Variants in DCC observed in about 807,000 individuals in gnomAD.
The protein encoded by DCC is DCC netrin 1 receptor.
In DCC, 58 loss-of-function variants were observed where a neutral mutation model predicts 172.5. That is an observed-to-expected ratio of 0.34 (90% CI 0.27 to 0.42). The LOEUF (loss-of-function observed/expected upper bound fraction) is 0.42, where lower values mean the gene tolerates loss of function less well. DCC is among the 10% of genes least tolerant of loss of function. DCC has a pLI of 1.00. For synonymous variants in DCC, 709 were observed against 644.5 expected, an observed-to-expected ratio of 1.10 and a Z score of -1.52; for missense variants, 1,740 against 1,791.0, an observed-to-expected ratio of 0.97 and a Z score of 0.51.
intron 7 of DCC, among the ~76,000 whole-genome samples, chr18:53,155,088 T>G (rs1228672283): frequency 6.6e-6 from 1 of 151,858 alleles, no homozygotes; most frequent in African/African-American, 2.4e-5. Context: ...CAGAAATAAC[T>G]TTGAATACTT....
chr18:52,465,294 G>C (rs1988753728), intron 1 of DCC, among the ~76,000 whole-genome samples: 1 of 152,160 alleles, frequency 6.6e-6, no homozygotes, highest in African/African-American at 2.4e-5. Flanking sequence ...TGAGGTGGAG[G>C]TTACCAAAGA....
intron 1 of DCC, among the ~76,000 whole-genome samples, chr18:52,476,819 C>T (rs1241613089): frequency 6.6e-6 from 1 of 152,114 alleles, no homozygotes; most frequent in African/African-American, 2.4e-5. Context: ...TTACCTCTGA[C>T]ATAAGTAAGG....
chr18:53,274,106 A>G (rs953501295), intron 12 of DCC, among the ~76,000 whole-genome samples: 1 of 152,160 alleles, frequency 6.6e-6, no homozygotes, highest in Non-Finnish European at 1.5e-5. Flanking sequence ...AAACTATGCT[A>G]CCTTTTCTCA....
Position 53,499,395 on chromosome 18 carries a change from C to T in DCC, c.3996C>T (p.Pro1332=), listed in dbSNP as rs772093000. 10 of 1,614,016 alleles carry T rather than the reference C, an allele frequency of 6.2e-6. No homozygotes were observed. Among genetic ancestry groups the T allele is most frequent in the Middle Eastern group, 1.6e-4 (1 of 6,084 alleles). The change falls in exon 27 of 29, where the codon CCC becomes CCT. Residue 1332 remains proline, a synonymous_variant. Transcript: ENST00000442544. ...SSEEAPSRTI[P]TACVRPTHPL... The stretch of plus-strand genomic sequence containing the variant: ...AGGAGGCACCAAGCAGAACCATCCC[C>T]ACAGCTTGTGTTCGACCAACTCACC...
intron 17 of DCC, among the ~76,000 whole-genome samples, chr18:53,394,264 A>G (rs1908769851): frequency 6.6e-6 from 1 of 152,192 alleles, no homozygotes; most frequent in South Asian, 2.1e-4. Context: ...TACTGTAAAA[A>G]CAATGAGATT....
At chr18:53,354,786 G>T (rs1165147451) in intron 15 of DCC, among the ~76,000 whole-genome samples, 36 of 90,458 alleles carry the variant, frequency 4.0e-4, no homozygotes, top group Non-Finnish European at 7.3e-4. Context: ...GTCAATTTTG[G>T]CTTTTGTTGC....
chr18:53,370,435 T>C (rs1430079859), intron 15 of DCC, among the ~76,000 whole-genome samples: 6 of 151,810 alleles, frequency 4.0e-5, no homozygotes, highest in Non-Finnish European at 8.9e-5. Flanking sequence ...TCCTATTCTC[T>C]ATTTATCTCT....
intron 1 of DCC, among the ~76,000 whole-genome samples, chr18:52,485,388 G>T (rs542256402): frequency 2.0e-5 from 3 of 152,066 alleles, no homozygotes; most frequent in African/African-American, 4.8e-5. Context: ...ATCCATCATC[G>T]CAATATGGAC....
intron 7 of DCC, among the ~76,000 whole-genome samples, chr18:53,152,529 C>T (rs1939889144): frequency 6.6e-6 from 1 of 151,928 alleles, no homozygotes. Context: ...TAAAAATTAT[C>T]ACCCTTTCCT....
chr18:53,322,022 C>T (rs1289531451), intron 13 of DCC, 25 bp from the exon 14 acceptor site: 6 of 1,307,984 alleles, frequency 4.6e-6, no homozygotes, highest in African/African-American at 1.4e-5. Context: ...AACTTTCTTC[C>T]CCCCTGTGGA....
chr18:52,716,020 A>G (rs2036375545), intron 1 of DCC, among the ~76,000 whole-genome samples: 1 of 152,088 alleles, frequency 6.6e-6, no homozygotes, highest in African/African-American at 2.4e-5. Flanking sequence ...CATCTGTAAA[A>G]AGAAGGAATC....
At chr18:52,570,873 A>G (rs1262662195) in intron 1 of DCC, among the ~76,000 whole-genome samples, 1 of 152,050 alleles carries the variant, frequency 6.6e-6, no homozygotes, top group East Asian at 1.9e-4. Flanking sequence ...GTTTGGTATC[A>G]TTGTTTTATT....
At chr18:52,978,651 G>A (rs1347324453) in intron 5 of DCC, among the ~76,000 whole-genome samples, 1 of 152,086 alleles carries the variant, frequency 6.6e-6, no homozygotes, top group Non-Finnish European at 1.5e-5. Flanking sequence ...GAATCTGCAG[G>A]ACTCAATTCC....
chr18:52,435,621 G>A (rs1987767539), intron 1 of DCC, among the ~76,000 whole-genome samples: 1 of 152,192 alleles, frequency 6.6e-6, no homozygotes, highest in South Asian at 2.1e-4. Context: ...GATAGTGACA[G>A]CAATCCACCT....
chr18:52,756,279 C>T (rs2037075010), intron 2 of DCC, among the ~76,000 whole-genome samples: 1 of 152,180 alleles, frequency 6.6e-6, no homozygotes, highest in South Asian at 2.1e-4. Flanking sequence ...ATGAAGCTTT[C>T]CTACCATCCC....
intron 2 of DCC, among the ~76,000 whole-genome samples, chr18:52,889,913 T>C (rs1228498431): frequency 7.2e-5 from 11 of 152,110 alleles, no homozygotes; most frequent in Admixed American, 7.2e-4. Context: ...CTTACTGTGA[T>C]CAGACTTAAA....
chr18:53,297,362 G>A (rs925150191), intron 12 of DCC, among the ~76,000 whole-genome samples: 1 of 152,188 alleles, frequency 6.6e-6, no homozygotes, highest in Non-Finnish European at 1.5e-5. Flanking sequence ...TCAAAGAGGG[G>A]ATGGAGGAAT....
chr18:52,892,963 T>C (rs1378365279), intron 2 of DCC, among the ~76,000 whole-genome samples: 1 of 152,224 alleles, frequency 6.6e-6, no homozygotes. Context: ...TGGCTTCTTA[T>C]TTTACAAAAT....
At chr18:53,281,238 A>G (rs1041344094) in intron 12 of DCC, among the ~76,000 whole-genome samples, 7 of 152,180 alleles carry the variant, frequency 4.6e-5, no homozygotes, top group Non-Finnish European at 1.0e-4. Flanking sequence ...TTTTTTAAAT[A>G]TATTTTCATG....
Sources: gnomAD v4.1 joint callset for allele counts (sites outside exome capture counted in the v4.1 genomes callset) on GRCh38, gnomAD v4.1.1 for gene constraint, MANE v1.5 for transcripts, NCBI Gene and HGNC (gene_info 2026-07-23, HGNC 2026-07-21) for gene names.